Variants in TMPO observed in about 807,000 individuals in gnomAD.
TMPO encodes the protein LEM domain containing 4.
TMPO carries 22 observed loss-of-function variants against 45.4 expected under a neutral mutation model. The ratio of observed to expected loss-of-function variants is 0.48; its 90% confidence interval spans 0.35 to 0.69. The LOEUF (loss-of-function observed/expected upper bound fraction) is 0.69, where lower values mean the gene tolerates loss of function less well. TMPO is among the 30% of genes least tolerant of loss of function. The probability of loss-of-function intolerance (pLI) is 0.01; values close to 1 mark genes in which losing one functional copy is unlikely to be tolerated. For missense variants in TMPO, 512 were observed against 548.8 expected (o/e 0.93, Z 0.67); for synonymous variants, 241 against 204.1 (o/e 1.18, Z -1.54).
intron 1 of TMPO, among the ~76,000 whole-genome samples, chr12:98,521,791 G>A (rs953733998): frequency 3.1e-4 from 47 of 152,002 alleles, no homozygotes; most frequent in African/African-American, 1.1e-3. Flanking sequence ...GTGCAGTGGC[G>A]CGATCTCGGC....
chr12:98,518,682 C>G (rs1876088229), intron 1 of TMPO, among the ~76,000 whole-genome samples: 1 of 151,822 alleles, frequency 6.6e-6, no homozygotes. Flanking sequence ...ACCTTGTGTT[C>G]TTTTGGGGGG....
intron 1 of TMPO, among the ~76,000 whole-genome samples, chr12:98,523,004 G>T (rs545362530): frequency 6.6e-6 from 1 of 152,164 alleles, no homozygotes; most frequent in Non-Finnish European, 1.5e-5. Context: ...AGAGCTGTTG[G>T]GTTTTGAAGT....
At chr12:98,519,171 C>T (rs913029444) in intron 1 of TMPO, among the ~76,000 whole-genome samples, 6 of 152,016 alleles carry the variant, frequency 3.9e-5, no homozygotes, top group Non-Finnish European at 5.9e-5. Flanking sequence ...CGTGAGCCAC[C>T]GCGCCCAGCC....
chr12:98,538,207 T>C (rs1385271828), intron 4 of TMPO, among the ~76,000 whole-genome samples: 3 of 152,242 alleles, frequency 2.0e-5, no homozygotes, highest in African/African-American at 7.2e-5. Flanking sequence ...TAGTATTGTT[T>C]ACAGAGAACA....
intron 2 of TMPO, among the ~76,000 whole-genome samples, chr12:98,530,291 C>T (rs981310925): frequency 6.6e-6 from 1 of 151,468 alleles, no homozygotes; most frequent in Non-Finnish European, 1.5e-5. Context: ...GAGCTATGAT[C>T]GCACCACTGC....
chr12:98,540,376 GTTGTTT>G (rs893245374), intron 4 of TMPO, among the ~76,000 whole-genome samples: 56 of 152,136 alleles, frequency 3.7e-4, no homozygotes, highest in African/African-American at 1.3e-3. Flanking sequence ...TGTTGTTGTT[GTTGTTT>G]TTGTTTTTGT....
chr12:98,529,411 G>A (rs143919331), intron 2 of TMPO, among the ~76,000 whole-genome samples: 86 of 152,140 alleles, frequency 5.7e-4, no homozygotes, highest in African/African-American at 1.9e-3. Context: ...GATTGGAATT[G>A]AGGAATTATA....
chr12:98,520,409 TCTC>T (rs887226271), intron 1 of TMPO, among the ~76,000 whole-genome samples: 14 of 150,778 alleles, frequency 9.3e-5, no homozygotes, highest in African/African-American at 3.4e-4. Context: ...TTCAAGCAAT[TCTC>T]CTACCTCAGC....
chr12:98,516,629 A>G (rs1314230030), intron 1 of TMPO: 3 of 812,576 alleles, frequency 3.7e-6, no homozygotes, highest in African/African-American at 1.9e-5. Flanking sequence ...AAAATTTGAA[A>G]TGAGGAAATT....
At chr12:98,544,702 TATA>T in intron 6 of TMPO, 165 bp downstream of exon 6, 1 of 664,092 alleles carries the variant, frequency 1.5e-6, no homozygotes, top group Non-Finnish European at 2.6e-6. Context: ...AGAATTTTCC[TATA>T]ATATCCAATT....
chr12:98,516,284 C>T, intron 1 of TMPO, 138 bp downstream of exon 1: 1 of 1,242,580 alleles, frequency 8.0e-7, no homozygotes, highest in East Asian at 3.3e-5. Context: ...CCCCTCGCGT[C>T]GCCCCTTCCC....
rs1220463929 is a variant in TMPO, at chr12:98,547,679, C to G, written c.1186C>G (p.Pro396Ala). The change falls in exon 9 of 9, where the codon CCC becomes GCC. Residue 396 changes from proline to alanine, a missense_variant. Around this residue, in one of 3 missense-constraint regions of TMPO, gnomAD observed 209 missense variants for 235.1 expected, o/e 0.89. Coordinates refer to ENST00000556029, the MANE Select transcript of TMPO (RefSeq NM_001032283.3). Reference protein sequence around the residue: ...FSSKYVPKYVPLADVKSEKTK... With the variant: ...FSSKYVPKYVALADVKSEKTK... ...ATCTAAATATGTTCCTAAGTATGTT[C>G]CCTTGGCAGATGTCAAGTCAGAAAA... 1 of 1,614,078 alleles carries G rather than the reference C, an allele frequency of 6.2e-7. No individual in the cohort carries two copies. Among genetic ancestry groups the G allele is most frequent in the Admixed American group, 1.7e-5 (1 of 60,000 alleles).
chr12:98,527,525 T>TAAAAA lies in TMPO; in HGVS notation c.280-348_280-344dup, dbSNP rs145065353. The TAAAAA allele has an allele frequency of 5.4e-3, 858 of 159,404 alleles. 5 individuals carry two copies. The highest frequency in any genetic ancestry group is 7.0e-3 in the Non-Finnish European group (600 of 85,192). 9.9% of individuals were successfully genotyped at this position (159,404 alleles called of 1,614,324 possible). ...GTGACATAGCTAGACCCTGTATCAT[T>TAAAAA]AAAAAAAAAAAAAAAAAGGTTATTT... On this transcript the variant is annotated intron_variant, in intron 1 of 8. Transcript: ENST00000556029.
intron 1 of TMPO, chr12:98,527,518 G>A (rs183023020): frequency 1.5e-5 from 3 of 203,338 alleles, no homozygotes; most frequent in Admixed American, 7.1e-5. Context: ...GCTAGACCCT[G>A]TATCATTAAA....
chr12:98,545,129 G>GTTTTTTTT (rs79128220), intron 7 of TMPO, 68 bp downstream of exon 7: 371 of 650,326 alleles, frequency 5.7e-4, no homozygotes, highest in South Asian at 8.5e-4. Context: ...ATATTTGTTT[G>GTTTTTTTT]TTTTTTTTTT....
In TMPO at chr12:98,547,668, C is replaced by T; in HGVS notation, c.1175C>T (p.Pro392Leu). 1.6e-5 allele frequency: 26 copies of T among 1,614,152 alleles called. No homozygotes were observed. The highest frequency in any genetic ancestry group is 2.2e-5 in the Non-Finnish European group (26 of 1,180,028). The change falls in exon 9 of 9, where the codon CCT (proline) becomes CTT (leucine). Residue 392 changes from proline (P) to leucine (L), a missense_variant. By Grantham distance (98) the Pro-to-Leu change is moderately conservative. Transcript: ENST00000556029. ...MEESFSSKYV[P>L]KYVPLADVKS... ...GAGTCTTTTTCATCTAAATATGTTC[C>T]TAAGTATGTTCCCTTGGCAGATGTC...
intron 4 of TMPO, among the ~76,000 whole-genome samples, chr12:98,539,017 A>G (rs889815571): frequency 2.0e-5 from 3 of 152,032 alleles, no homozygotes; most frequent in South Asian, 4.2e-4. Flanking sequence ...CCTGACCAAC[A>G]TGGAGAAACC....
intron 2 of TMPO, among the ~76,000 whole-genome samples, 168 bp from the exon 3 acceptor site, chr12:98,531,512 G>T (rs1394346851): frequency 2.0e-5 from 3 of 151,968 alleles, no homozygotes; most frequent in African/African-American, 7.3e-5. Flanking sequence ...TGGGTTTACA[G>T]TCGTGAGCCA....
At chr12:98,530,011 A>T (rs1193540039) in intron 2 of TMPO, among the ~76,000 whole-genome samples, 1 of 152,230 alleles carries the variant, frequency 6.6e-6, no homozygotes, top group Non-Finnish European at 1.5e-5. Flanking sequence ...GTACCAACAG[A>T]TATATAACAC....
Sources: allele counts gnomAD v4.1 joint callset (sites outside exome capture counted in the v4.1 genomes callset), GRCh38; gene constraint gnomAD v4.1.1; regional missense constraint gnomAD v4.1.1; transcripts MANE v1.5; gene names NCBI Gene and HGNC (gene_info 2026-07-23, HGNC 2026-07-21).